SERPINF2: variants seen among roughly 807,000 people sequenced by gnomAD.
SERPINF2 encodes serpin family F member 2, also known as alpha-2-antiplasmin.
Under a neutral mutation model 45.0 loss-of-function variants are expected in SERPINF2, and 15 were observed. The observed-to-expected ratio is 0.33, with a 90% confidence interval of 0.22 to 0.51. SERPINF2 has a LOEUF of 0.51. Ranked by LOEUF, SERPINF2 falls within the 20% of genes least tolerant of loss-of-function variation. SERPINF2 has a pLI of 0.97. For synonymous variants in SERPINF2, 283 were observed against 277.9 expected (o/e 1.02, Z -0.18); for missense variants, 518 against 637.4 (o/e 0.81, Z 2.02).
chr17:1,748,071 G>A (rs972409365), intron 7 of SERPINF2, among the ~76,000 whole-genome samples: 2 of 151,682 alleles, frequency 1.3e-5, no homozygotes, highest in Non-Finnish European at 2.9e-5. Context: ...AGGCCGAGGC[G>A]GGCAGATCAT....
In SERPINF2 at chr17:1,752,884, T is replaced by C. The variant is rs767142549; in HGVS notation, c.1063+94T>C. 6.9e-4 allele frequency: 723 copies of C among 1,047,678 alleles called. 2 individuals are homozygous for C. Among genetic ancestry groups the C allele is most frequent in the Non-Finnish European group, 9.3e-4 (664 of 712,084 alleles). The allele number at this position is 1,047,678 out of a possible 1,614,324, so 64.9% of individuals were successfully genotyped here. On this transcript the variant is annotated intron_variant, in intron 9 of 9. Coordinates refer to ENST00000453066, the MANE Select transcript of SERPINF2 (RefSeq NM_000934.4). ...GCTGGCAGTGGAGCTGAGTCAGAGCTGTCCTGTGTCCTGCTCTTTTCCAGG... is the reference window on the plus strand; with the variant it reads ...GCTGGCAGTGGAGCTGAGTCAGAGCCGTCCTGTGTCCTGCTCTTTTCCAGG...
chr17:1,744,486 T>C (rs1905608949), intron 1 of SERPINF2: 1 of 950,704 alleles, frequency 1.1e-6, no homozygotes, highest in Non-Finnish European at 1.3e-6. Context: ...AGAGCGAAAC[T>C]CCGTCTCAAA....
chr17:1,754,243 G>A lies in SERPINF2; in HGVS notation c.1185G>A (p.Ala395=), dbSNP rs756116817. 9.3e-6 allele frequency: 15 copies of A among 1,613,920 alleles called. No individual in the cohort carries two copies. The highest frequency in any genetic ancestry group is 6.6e-5 in the South Asian group (6 of 91,094). ...ELSEVGVEAA[A]ATSIAMSRMS... Reference sequence around the variant, plus strand: ...GCGAGGTCGGCGTGGAGGCGGCGGCGGCCACCAGCATTGCCATGTCCCGCA... The same window carrying A: ...GCGAGGTCGGCGTGGAGGCGGCGGCAGCCACCAGCATTGCCATGTCCCGCA... The change falls in exon 10 of 10, where the codon GCG becomes GCA. Residue 395 remains alanine (A), a synonymous_variant. Coordinates refer to ENST00000453066, the MANE Select transcript of SERPINF2 (RefSeq NM_000934.4).
At chr17:1,744,701 C>T (rs1459870792) in intron 1 of SERPINF2, 7 of 985,256 alleles carry the variant, frequency 7.1e-6, no homozygotes, top group African/African-American at 1.7e-5. Context: ...AGAATGAGAA[C>T]GTTTTTGATT....
At position 1,754,088 on chromosome 17, in the gene SERPINF2, G is replaced by A. The variant is rs374666639; in HGVS notation, c.1064-34G>A. ...GCTCCAGGAGCCTGTGAGGCCAAGG[G>A]CAGCTCTGACCAGCCATCTCTGGCC... On this transcript the variant is annotated intron_variant, in intron 9 of 9. Transcript: ENST00000453066. 3.8e-6 allele frequency: 6 copies of A among 1,599,414 alleles called. No individual in the cohort carries two copies. In the African/African-American group the frequency reaches 8.0e-5, roughly 21 times the overall value.
intron 9 of SERPINF2, 70 bp downstream of exon 9, chr17:1,752,860 C>T (rs774182151): frequency 1.2e-5 from 17 of 1,383,316 alleles, no homozygotes; most frequent in Non-Finnish European, 1.6e-5. Context: ...AAGCGTCTGG[C>T]TGGCAGTGGA....
At chr17:1,746,963 C>T in intron 5 of SERPINF2, 56 bp from the exon 6 acceptor site, 1 of 1,586,518 alleles carries the variant, frequency 6.3e-7, no homozygotes. Context: ...CTGGAGTGGG[C>T]AGTGGGGGTG....
Position 1,746,428 on chromosome 17 carries a change from A to ATT in SERPINF2, c.367+534_367+535dup, listed in dbSNP as rs373613742. 1.4e-3 allele frequency among the ~76,000 whole-genome samples: 197 copies of ATT among 138,544 alleles called. 1 individual carries two copies. Among genetic ancestry groups the ATT allele is most frequent in the African/African-American group, 3.6e-3 (136 of 37,560 alleles). 90.9% of individuals were successfully genotyped at this position (138,544 alleles called of 152,430 possible). ...TGCTTATTTACAAGTCCTCCTGGTG[A>ATT]TTTTTTTTTTTTTTTTGAGACAGAG... On this transcript the variant is annotated intron_variant, in intron 5 of 9. Coordinates refer to ENST00000453066, the MANE Select transcript of SERPINF2 (RefSeq NM_000934.4).
At chr17:1,746,458 G>C (rs1172177449) in intron 5 of SERPINF2, among the ~76,000 whole-genome samples, 10 of 137,482 alleles carry the variant, frequency 7.3e-5, no homozygotes, top group African/African-American at 2.7e-4. Flanking sequence ...ACAGAGTCTT[G>C]CTCTGTCACC....
intron 5 of SERPINF2, 130 bp from the exon 6 acceptor site, chr17:1,746,889 C>G: frequency 3.2e-6 from 4 of 1,252,870 alleles, no homozygotes; most frequent in Non-Finnish European, 4.4e-6. Context: ...CAGAACAGAT[C>G]CGTGGCTGTG....
At position 1,754,618 on chromosome 17, in the gene SERPINF2, T is replaced by TGGGGCA. The variant is rs1248606806; in HGVS notation, c.*90_*95dup. The TGGGGCA allele has an allele frequency of 1.1e-5, 16 of 1,422,482 alleles. No individual in the cohort carries two copies. The highest frequency in any genetic ancestry group is 1.6e-5 in the African/African-American group (1 of 63,852). 88.1% of individuals were successfully genotyped at this position (1,422,482 alleles called of 1,614,324 possible). A position where few individuals can be genotyped will look rare whatever the true frequency, so the allele number is the denominator to read the frequency against. Reference sequence around the variant, plus strand: ...CTCTTTCCAACCGGCTTTGTGGCACTGGGGCAGGGGCCGGGGGCAGTCTGA... The same window carrying TGGGGCA: ...CTCTTTCCAACCGGCTTTGTGGCACTGGGGCAGGGGCAGGGGCCGGGGGCAGTCTGA... On this transcript the variant is annotated 3_prime_UTR_variant, in exon 10 of 10. Transcript: ENST00000453066.
chr17:1,748,906 C>G (rs1906118314), intron 8 of SERPINF2, among the ~76,000 whole-genome samples, 166 bp downstream of exon 8: 1 of 152,234 alleles, frequency 6.6e-6, no homozygotes, highest in Non-Finnish European at 1.5e-5. Flanking sequence ...CCCATCCTAC[C>G]TGGCAGGAGG....
chr17:1,745,258 G>A lies in SERPINF2; in HGVS notation c.102+45G>A. 6.3e-7 allele frequency: 1 copy of A among 1,596,258 alleles called. No homozygotes were observed. Among genetic ancestry groups the A allele is most frequent in the Non-Finnish European group, 8.5e-7 (1 of 1,171,980 alleles). On this transcript the variant is annotated intron_variant, in intron 3 of 9. Transcript: ENST00000453066. The surrounding 1 kb of genome is among the most constrained non-coding windows in gnomAD (Gnocchi z 6.2). Reference sequence around the variant, plus strand: ...CTGTGATGGGGGGAAGGTCCCGGGGGTCTCACTGGTGGCTTGGGCAGGGTG... The same window carrying A: ...CTGTGATGGGGGGAAGGTCCCGGGGATCTCACTGGTGGCTTGGGCAGGGTG...
chr17:1,752,454 C>A (rs1906482120), intron 8 of SERPINF2, 132 bp from the exon 9 acceptor site: 1 of 775,388 alleles, frequency 1.3e-6, no homozygotes, highest in East Asian at 2.6e-5. Context: ...AGTGGAGGAG[C>A]AGTGGGGTCA....
At chr17:1,753,651 A>G (rs774942824) in intron 9 of SERPINF2, among the ~76,000 whole-genome samples, 1 of 152,174 alleles carries the variant, frequency 6.6e-6, no homozygotes. Context: ...ACGCCACTGT[A>G]CTCCAGCCTG....
chr17:1,744,228 C>T (rs1653415198), intron 1 of SERPINF2, among the ~76,000 whole-genome samples: 1 of 151,020 alleles, frequency 6.6e-6, no homozygotes, highest in Non-Finnish European at 1.5e-5. Context: ...TGCAGTGGCT[C>T]ATGCCTGTAA....
chr17:1,745,113 G>C lies in SERPINF2; in HGVS notation c.63+55G>C. 1 of 1,605,132 alleles carries C rather than the reference G, an allele frequency of 6.2e-7. No homozygotes were observed. Among genetic ancestry groups the C allele is most frequent in the Admixed American group, 1.7e-5 (1 of 58,894 alleles). On this transcript the variant is annotated intron_variant, in intron 2 of 9. Coordinates refer to ENST00000453066, the MANE Select transcript of SERPINF2 (RefSeq NM_000934.4). This position sits in a 1 kb window ranked among gnomAD's most constrained non-coding sequence, Gnocchi z 6.2. ...GGGGTGGAGGGGGAAGAAGAGGGGC[G>C]TTGGCATGGAGGGAGGGCTTGGCTC...
chr17:1,747,293 T>G lies in SERPINF2; in HGVS notation c.512-16T>G. ...AGCCTGGAGCCCTGGGAACAGCTTG[T>G]GCTGCCTCCGTGCAGGATTTCCCAT... On this transcript the variant is annotated splice_polypyrimidine_tract_variant and intron_variant, in intron 6 of 9. Transcript: ENST00000453066. The G allele has an allele frequency of 6.2e-7, 1 of 1,613,414 alleles. No individual in the cohort carries two copies. The highest frequency in any genetic ancestry group is 8.5e-7 in the Non-Finnish European group (1 of 1,179,924).
intron 1 of SERPINF2, chr17:1,744,593 A>G (rs1230449761): frequency 3.0e-5 from 30 of 985,450 alleles, no homozygotes; most frequent in East Asian, 1.1e-4. Flanking sequence ...TTTACAAGGT[A>G]AGGCCAAGCC....
Sources: allele counts gnomAD v4.1 joint callset (sites outside exome capture counted in the v4.1 genomes callset), GRCh38; gene constraint gnomAD v4.1.1; non-coding constraint Gnocchi (gnomAD v3.1); transcripts MANE v1.5; gene names NCBI Gene and HGNC (gene_info 2026-07-23, HGNC 2026-07-21).